Variants in CCDC85A observed in about 807,000 individuals in gnomAD.
The protein encoded by CCDC85A is coiled-coil domain containing 85A, also known as coiled-coil domain-containing protein 85A.
Under a neutral mutation model 50.2 loss-of-function variants are expected in CCDC85A, and 38 were observed. That is an observed-to-expected ratio of 0.76 (90% CI 0.58 to 0.99). The LOEUF is 0.99. CCDC85A is among the 50% of genes least tolerant of loss of function. The pLI is 0.00. For synonymous variants in CCDC85A, 366 were observed against 301.4 expected (o/e 1.21, Z -2.22); for missense variants, 820 against 742.0 (o/e 1.11, Z -1.22).
At chr2:56,268,695 C>T (rs992393479) in intron 2 of CCDC85A, among the ~76,000 whole-genome samples, 1 of 151,648 alleles carries the variant, frequency 6.6e-6, no homozygotes, top group Non-Finnish European at 1.5e-5. Context: ...TTTCAAAAAC[C>T]TGACATCATT....
chr2:56,192,875 C>T lies in CCDC85A; in HGVS notation c.675C>T (p.His225=), dbSNP rs1482945654. The T allele has an allele frequency of 3.7e-6, 6 of 1,613,146 alleles. No individual in the cohort carries two copies. The Middle Eastern group carries it at 9.9e-4, about 266-fold the overall frequency. ...STGSTDSPDH[H]KHHASSGSPE... The stretch of plus-strand genomic sequence containing the variant: ...GCAGCACTGACAGCCCGGACCACCA[C>T]AAGCACCACGCGAGCAGTGGCAGCC... Residue 225 remains histidine, a synonymous_variant, in exon 2 of 6, where the codon CAC becomes CAT. Transcript: ENST00000407595. This position sits in a 1 kb window ranked among gnomAD's most constrained non-coding sequence, Gnocchi z 4.7.
In CCDC85A at chr2:56,385,795, T is replaced by C. The variant is rs919123610; in HGVS notation, c.*1440T>C. The C allele has an allele frequency of 2.0e-5, 3 of 151,850 alleles. No individual in the cohort carries two copies. The highest frequency in any genetic ancestry group is 3.4e-3 in the Middle Eastern group (1 of 292). The allele number at this position is 151,850 out of a possible 1,614,324, so 9.4% of individuals were successfully genotyped here. ...AAAAATCATCTATTTTCAGAAAATATTTATGAATTAATTTACTATAGAATT... is the reference window on the plus strand; with the variant it reads ...AAAAATCATCTATTTTCAGAAAATACTTATGAATTAATTTACTATAGAATT... On this transcript the variant is annotated 3_prime_UTR_variant, in exon 6 of 6. Coordinates refer to ENST00000407595, the MANE Select transcript of CCDC85A (RefSeq NM_001080433.2).
chr2:56,251,180 G>A (rs772351549), intron 2 of CCDC85A, among the ~76,000 whole-genome samples: 6 of 152,174 alleles, frequency 3.9e-5, no homozygotes, highest in Non-Finnish European at 8.8e-5. Flanking sequence ...AAAGGGTATG[G>A]GTCGCTTTAG....
intron 2 of CCDC85A, among the ~76,000 whole-genome samples, chr2:56,278,217 C>T (rs17047743): frequency 0.044 from 6,741 of 152,134 alleles, 485 homozygotes; most frequent in African/African-American, 0.15. Context: ...CTTCACTCTC[C>T]TCCCCTTTTT....
intron 2 of CCDC85A, among the ~76,000 whole-genome samples, chr2:56,340,364 C>G (rs552862386): frequency 1.1e-4 from 17 of 152,166 alleles, no homozygotes; most frequent in Non-Finnish European, 2.4e-4. Context: ...CTTAGGTGCA[C>G]TACCGTATTG....
chr2:56,252,171 C>A (rs558153855), intron 2 of CCDC85A, among the ~76,000 whole-genome samples: 2 of 151,838 alleles, frequency 1.3e-5, no homozygotes, highest in Non-Finnish European at 2.9e-5. Flanking sequence ...CTCAGCCTCC[C>A]GAGTAGCTGG....
In CCDC85A at chr2:56,383,515, C is replaced by G; in HGVS notation, c.1573-751C>G. ...ATTATTCTTGATTGCACCTTTTGTC[C>G]CTCTATGTGGCCCAGCTTCTAACAT... On this transcript the variant is annotated intron_variant, in intron 5 of 5. Transcript: ENST00000407595. 1.8e-5 allele frequency: 16 copies of G among 865,938 alleles called. 1 individual carries two copies. Among genetic ancestry groups the G allele is most frequent in the Non-Finnish European group, 2.2e-5 (16 of 721,268 alleles). 53.6% of individuals were successfully genotyped at this position (865,938 alleles called of 1,614,324 possible). A position where few individuals can be genotyped will look rare whatever the true frequency, so the allele number is the denominator to read the frequency against.
intron 5 of CCDC85A, among the ~76,000 whole-genome samples, chr2:56,378,985 G>A (rs76155612): frequency 0.067 from 10,161 of 152,150 alleles, 421 homozygotes; most frequent in Non-Finnish European, 0.095. Flanking sequence ...TCCTTTTGTA[G>A]TATAAAAAGG....
intron 4 of CCDC85A, among the ~76,000 whole-genome samples, chr2:56,375,389 G>A (rs1676285520): frequency 6.6e-6 from 1 of 152,144 alleles, no homozygotes. Context: ...GGTTTTATAA[G>A]AGACACAGTT....
At chr2:56,310,785 T>C (rs1672653940) in intron 2 of CCDC85A, among the ~76,000 whole-genome samples, 1 of 152,180 alleles carries the variant, frequency 6.6e-6, no homozygotes, top group African/African-American at 2.4e-5. Flanking sequence ...CAAGGTTATA[T>C]GGACAACTGC....
intron 4 of CCDC85A, among the ~76,000 whole-genome samples, chr2:56,374,337 G>A (rs1401309363): frequency 6.6e-6 from 1 of 152,144 alleles, no homozygotes; most frequent in East Asian, 1.9e-4. Context: ...GAGGACATAG[G>A]AGAAATGACA....
intron 2 of CCDC85A, among the ~76,000 whole-genome samples, chr2:56,253,294 G>A (rs541041605): frequency 6.6e-6 from 1 of 152,190 alleles, no homozygotes; most frequent in Admixed American, 6.5e-5. Flanking sequence ...GACTAGAAAA[G>A]ATTCTTGAGG....
In CCDC85A at chr2:56,184,715, G is replaced by C. The variant is rs1405468125; in HGVS notation, c.91G>C (p.Ala31Pro). ...APAGSSAAPP[A>P]PVEDLSKVSD... ...GGCCGGCTCGTCCGCGGCCCCGCCC[G>C]CGCCGGTGGAGGACCTGTCCAAAGT... Residue 31 changes from alanine (A) to proline (P), a missense_variant, in exon 1 of 6, where the codon GCG becomes CCG. By Grantham distance (27) the Ala-to-Pro change is conservative (BLOSUM62 -1). Transcript: ENST00000407595. 1 of 1,529,532 alleles carries C rather than the reference G, an allele frequency of 6.5e-7. No individual in the cohort carries two copies. The highest frequency in any genetic ancestry group is 8.8e-7 in the Non-Finnish European group (1 of 1,141,496). 94.7% of individuals were successfully genotyped at this position (1,529,532 alleles called of 1,614,324 possible).
rs76899135 is a variant in CCDC85A at position 56,316,469 on chromosome 2, A to T, written c.1241-26410A>T. Among the ~76,000 whole-genome samples the T allele has an allele frequency of 8.9e-3, 1,353 of 152,138 alleles. 28 individuals carry two copies. The highest frequency in any genetic ancestry group is 0.031 in the African/African-American group (1,273 of 41,532). ...CAGCCCAGTGACTTACCTGAATTTT[A>T]TTTTTAACTTTGTTATTTACAAAAT... On this transcript the variant is annotated intron_variant, in intron 2 of 5. Coordinates refer to ENST00000407595, the MANE Select transcript of CCDC85A (RefSeq NM_001080433.2).
intron 2 of CCDC85A, among the ~76,000 whole-genome samples, chr2:56,216,238 G>T (rs1677388598): frequency 6.6e-6 from 1 of 151,816 alleles, no homozygotes; most frequent in Admixed American, 6.6e-5. Flanking sequence ...ATACCTTGAA[G>T]TGGCATTGCA....
At position 56,184,112 on chromosome 2, in the gene CCDC85A, C is replaced by G. The variant is rs1412916870; in HGVS notation, c.-513C>G. On this transcript the variant is annotated 5_prime_UTR_variant, in exon 1 of 6. Transcript: ENST00000407595. ...GGCAGCCGCGGCGGCGTCGCTAGAG[C>G]AGCCGGGGAGGCGCCGCGGTGCCCG... The G allele has an allele frequency of 7.2e-6, 7 of 975,476 alleles. No homozygotes were observed. The highest frequency in any genetic ancestry group is 3.5e-5 in the African/African-American group (2 of 57,064). 60.4% of individuals were successfully genotyped at this position (975,476 alleles called of 1,614,324 possible). A position where few individuals can be genotyped will look rare whatever the true frequency, so the allele number is the denominator to read the frequency against.
At chr2:56,205,684 A>G (rs1676931043) in intron 2 of CCDC85A, among the ~76,000 whole-genome samples, 1 of 152,218 alleles carries the variant, frequency 6.6e-6, no homozygotes, top group African/African-American at 2.4e-5. Flanking sequence ...TTTGCTTTGT[A>G]TAAATCTCTG....
At chr2:56,373,136 C>G (rs1301856730) in intron 4 of CCDC85A, among the ~76,000 whole-genome samples, 1 of 152,090 alleles carries the variant, frequency 6.6e-6, no homozygotes, top group Non-Finnish European at 1.5e-5. Context: ...TTATTGCAGT[C>G]TAGAAAAATT....
intron 2 of CCDC85A, among the ~76,000 whole-genome samples, chr2:56,337,011 A>T (rs1674107540): frequency 6.6e-6 from 1 of 152,240 alleles, no homozygotes; most frequent in African/African-American, 2.4e-5. Flanking sequence ...ACTAGTCCCC[A>T]TTGTTAGCAA....
Sources: allele counts gnomAD v4.1 joint callset (sites outside exome capture counted in the v4.1 genomes callset), GRCh38; gene constraint gnomAD v4.1.1; non-coding constraint Gnocchi (gnomAD v3.1); transcripts MANE v1.5; gene names NCBI Gene and HGNC (gene_info 2026-07-23, HGNC 2026-07-21).